PDK1: variants seen among roughly 807,000 people sequenced by gnomAD.
PDK1 encodes [Pyruvate dehydrogenase (acetyl-transferring)] kinase isozyme 1, mitochondrial.
In PDK1, 39 loss-of-function variants were observed where a neutral mutation model predicts 54.2. That is an observed-to-expected ratio of 0.72 (90% CI 0.56 to 0.94). PDK1 has a LOEUF of 0.94. PDK1 is among the 40% of genes least tolerant of loss of function. The pLI, the probability that PDK1 is intolerant of heterozygous loss-of-function variation, is 0.00. For missense variants in PDK1, 552 were observed against 566.0 expected (o/e 0.98, Z 0.25); for synonymous variants, 221 against 207.1 (o/e 1.07, Z -0.58).
At chr2:172,710,708 G>A in the PDK1 span, among the ~76,000 whole-genome samples, 2 of 152,218 alleles carry the variant, frequency 1.3e-5, no homozygotes, top group African/African-American at 4.8e-5. Flanking sequence ...GGAGGTGCCA[G>A]AGATCAGTGA....
At chr2:172,665,954 A>C in the PDK1 span, among the ~76,000 whole-genome samples, 1 of 152,234 alleles carries the variant, frequency 6.6e-6, no homozygotes, top group African/African-American at 2.4e-5. Flanking sequence ...CATAAGCATG[A>C]AAGCCAAAAG....
At chr2:172,716,668 T>C in the PDK1 span, among the ~76,000 whole-genome samples, 1 of 152,266 alleles carries the variant, frequency 6.6e-6, no homozygotes, top group Non-Finnish European at 1.5e-5. Flanking sequence ...TTTATTTTCT[T>C]ATTGCTAAAA....
rs1233804235 is a variant in PDK1 at position 172,564,493 on chromosome 2, G to T, written c.411-10G>T. ...AATATTTGGCTGTTTTGACAGATGG[G>T]TTTGTTTAGCTTTACAGATACTGTG... On this transcript the variant is annotated splice_polypyrimidine_tract_variant and intron_variant, in intron 3 of 10. Transcript: ENST00000282077. 1 of 1,601,646 alleles carries T rather than the reference G, an allele frequency of 6.2e-7. No homozygotes were observed. The highest frequency in any genetic ancestry group is 2.2e-5 in the East Asian group (1 of 44,642).
At chr2:172,646,337 C>G in the PDK1 span, among the ~76,000 whole-genome samples, 1 of 152,166 alleles carries the variant, frequency 6.6e-6, no homozygotes, top group Non-Finnish European at 1.5e-5. Context: ...AAATGGTGCT[C>G]TGTGGTGGAA....
rs559289431 is a variant in PDK1 at position 172,590,518 on chromosome 2, T to A, written c.1057-2417T>A. The stretch of plus-strand genomic sequence containing the variant: ...TGTTACAGCTCTTAAAGGTGGCATG[T>A]CTGGAGTTGTTTGTTCCTCCTGGTG... On this transcript the variant is annotated intron_variant, in intron 9 of 10. Coordinates refer to ENST00000282077, the MANE Select transcript of PDK1 (RefSeq NM_002610.5). Among the ~76,000 whole-genome samples, 7 of 152,256 alleles carry A rather than the reference T, an allele frequency of 4.6e-5. No homozygotes were observed. In the East Asian group the frequency reaches 1.4e-3, roughly 29 times the overall value.
At chr2:172,674,665 C>G in the PDK1 span, 1 of 152,432 alleles carries the variant, frequency 6.6e-6, no homozygotes, top group South Asian at 2.1e-4. Context: ...TTCTCTCTTC[C>G]TAAGTCCTGT....
chr2:172,676,650 A>T, the PDK1 span, among the ~76,000 whole-genome samples: 2 of 152,254 alleles, frequency 1.3e-5, no homozygotes, highest in African/African-American at 4.8e-5. Context: ...TTTACTCCTG[A>T]GGAAGATGCT....
the PDK1 span, among the ~76,000 whole-genome samples, chr2:172,719,228 T>C: frequency 3.9e-5 from 6 of 152,206 alleles, no homozygotes; most frequent in Non-Finnish European, 7.4e-5. Context: ...TGAAAGACAA[T>C]TGGGTTGTTT....
the PDK1 span, among the ~76,000 whole-genome samples, chr2:172,678,052 C>A: frequency 3.3e-5 from 5 of 151,932 alleles, no homozygotes; most frequent in East Asian, 9.7e-4. Context: ...GCCTGTAAAT[C>A]CCAGCTACTC....
intron 9 of PDK1, among the ~76,000 whole-genome samples, chr2:172,587,492 C>T (rs188567152): frequency 1.3e-5 from 2 of 151,888 alleles, no homozygotes; most frequent in East Asian, 1.9e-4. Flanking sequence ...TGGGTGGGTT[C>T]GTGGTCTCGG....
chr2:172,636,932 C>T, the PDK1 span, among the ~76,000 whole-genome samples: 15 of 152,062 alleles, frequency 9.9e-5, no homozygotes, highest in Non-Finnish European at 1.9e-4. Flanking sequence ...AATAAAAAAG[C>T]GCATAGAAAA....
chr2:172,681,906 C>T, the PDK1 span, among the ~76,000 whole-genome samples: 1 of 152,088 alleles, frequency 6.6e-6, no homozygotes. Flanking sequence ...TACAGGCACC[C>T]GCCACCACAC....
rs1688823900 is a variant in PDK1, at chr2:172,564,416, T to G, written c.411-87T>G. ...TCCTTTTATTAAATTGGGGATTTTT[T>G]GTCTAGCATAGTTGGTTAAGCTTAT... On this transcript the variant is annotated intron_variant, in intron 3 of 10. Transcript: ENST00000282077. The G allele has an allele frequency of 3.0e-6, 3 of 1,014,226 alleles. No individual in the cohort carries two copies. The South Asian group carries it at 4.9e-5, about 17-fold the overall frequency. 62.8% of individuals were successfully genotyped at this position (1,014,226 alleles called of 1,614,324 possible). A position where few individuals can be genotyped will look rare whatever the true frequency, so the allele number is the denominator to read the frequency against.
At chr2:172,669,487 G>A in the PDK1 span, among the ~76,000 whole-genome samples, 3 of 152,196 alleles carry the variant, frequency 2.0e-5, no homozygotes, top group African/African-American at 7.2e-5. Flanking sequence ...AAACATGGGA[G>A]TGCAGACATC....
chr2:172,629,270 G>A, the PDK1 span, among the ~76,000 whole-genome samples: 1 of 152,238 alleles, frequency 6.6e-6, no homozygotes, highest in Admixed American at 6.5e-5. Flanking sequence ...GTGAGAACAT[G>A]CATTCCTGTT....
At chr2:172,643,658 T>C in the PDK1 span, among the ~76,000 whole-genome samples, 1 of 152,210 alleles carries the variant, frequency 6.6e-6, no homozygotes, top group Admixed American at 6.5e-5. Context: ...AAGGGGGACC[T>C]AGCTTGGATG....
chr2:172,663,942 A>G, the PDK1 span, among the ~76,000 whole-genome samples: 12 of 148,090 alleles, frequency 8.1e-5, no homozygotes, highest in Admixed American at 2.7e-4. Flanking sequence ...CTGGGACCAC[A>G]CACAGGGTTA....
rs1034207962 is a variant in PDK1, at chr2:172,602,966, A to T, written c.*6997A>T. 1.3e-5 allele frequency: 2 copies of T among 152,226 alleles called. No individual in the cohort carries two copies. The highest frequency in any genetic ancestry group is 2.9e-5 in the Non-Finnish European group (2 of 68,038). The allele number at this position is 152,226 out of a possible 1,614,324, so 9.4% of individuals were successfully genotyped here. On this transcript the variant is annotated 3_prime_UTR_variant, in exon 11 of 11. Transcript: ENST00000282077. ...TTACTCTTGGATCAGGGTTGGCTTGATAAGGACTCACTTAACCAATGGAAA... is the reference window on the plus strand; with the variant it reads ...TTACTCTTGGATCAGGGTTGGCTTGTTAAGGACTCACTTAACCAATGGAAA...
intron 10 of PDK1, among the ~76,000 whole-genome samples, 196 bp downstream of exon 10, chr2:172,593,244 A>G (rs574895403): frequency 6.6e-6 from 1 of 152,292 alleles, no homozygotes; most frequent in African/African-American, 2.4e-5. Flanking sequence ...TCCTGGAGTG[A>G]TTAGGACTCT....
Sources: allele counts gnomAD v4.1 joint callset (sites outside exome capture counted in the v4.1 genomes callset), GRCh38; gene constraint gnomAD v4.1.1; transcripts MANE v1.5; gene names NCBI Gene and HGNC (gene_info 2026-07-23, HGNC 2026-07-21).